The following ASTN1 variants were observed in gnomAD, a reference collection of about 807,000 sequenced individuals.
ASTN1 encodes the protein astrotactin 1.
ASTN1 carries 41 observed loss-of-function variants against 140.7 expected under a neutral mutation model. The observed-to-expected ratio is 0.29, with a 90% CI of 0.23 to 0.38. The LOEUF is 0.38. ASTN1 is among the 10% of genes least tolerant of loss of function. ASTN1 has a pLI of 1.00. For missense variants in ASTN1, 1,479 were observed against 1,678.8 expected (o/e 0.88, Z 2.08); for synonymous variants, 640 against 652.2 (o/e 0.98, Z 0.29).
chr1:176,902,211 G>A (rs1284218864), intron 16 of ASTN1, among the ~76,000 whole-genome samples: 8 of 152,276 alleles, frequency 5.3e-5, no homozygotes, highest in East Asian at 1.9e-4. Flanking sequence ...AAATGCTTAC[G>A]TTCCCTCCAA....
At chr1:176,964,039 CA>C (rs1672771788) in intron 9 of ASTN1, among the ~76,000 whole-genome samples, 2 of 152,176 alleles carry the variant, frequency 1.3e-5, no homozygotes, top group Admixed American at 1.3e-4. Context: ...CCTAATAGAA[CA>C]CTGCTATGGC....
intron 11 of ASTN1, among the ~76,000 whole-genome samples, chr1:176,953,599 T>C (rs962977419): frequency 1.3e-5 from 2 of 152,306 alleles, no homozygotes; most frequent in African/African-American, 4.8e-5. Flanking sequence ...CACACTCTTC[T>C]GCTTACTGTC....
intron 8 of ASTN1, among the ~76,000 whole-genome samples, chr1:176,988,205 G>C (rs1283097996): frequency 1.3e-5 from 2 of 151,462 alleles, no homozygotes; most frequent in Non-Finnish European, 2.9e-5. Flanking sequence ...TAATCATAGA[G>C]ATCTGGGAGA....
intron 1 of ASTN1, among the ~76,000 whole-genome samples, chr1:177,118,299 A>G (rs1474894505): frequency 6.6e-6 from 1 of 152,046 alleles, no homozygotes; most frequent in African/African-American, 2.4e-5. Flanking sequence ...ATCACTTGAG[A>G]CAATTTTCTT....
chr1:177,105,005 CAG>C (rs1381943352), intron 1 of ASTN1, among the ~76,000 whole-genome samples: 6 of 152,110 alleles, frequency 3.9e-5, no homozygotes, highest in African/African-American at 1.4e-4. Flanking sequence ...GCCTGGCTCA[CAG>C]AGTTAATAGA....
intron 1 of ASTN1, among the ~76,000 whole-genome samples, chr1:177,082,589 C>T (rs1679233017): frequency 6.6e-6 from 1 of 152,184 alleles, no homozygotes; most frequent in East Asian, 1.9e-4. Flanking sequence ...AGAATCAGGG[C>T]AGGTCTCAGC....
intron 1 of ASTN1, among the ~76,000 whole-genome samples, chr1:177,128,320 A>G (rs1681770730): frequency 6.6e-6 from 1 of 152,210 alleles, no homozygotes; most frequent in Admixed American, 6.5e-5. Context: ...TACGCCTAGT[A>G]TTAGACTTTT....
rs1381769011 is a variant in ASTN1 at position 176,861,125 on chromosome 1, C to T, written c.*3159G>A. On this transcript the variant is annotated 3_prime_UTR_variant, in exon 23 of 23. Coordinates refer to ENST00000361833, the MANE Select transcript of ASTN1 (RefSeq NM_004319.3). ...AATTATTTCATCTTTTATAATCATA[C>T]AATAATTCTCTTTTAAACAACACTG... is the stretch of plus-strand genomic sequence containing the variant. The T allele has an allele frequency of 2.1e-6, 2 of 946,430 alleles. No homozygotes were observed. The highest frequency in any genetic ancestry group is 1.8e-5 in the African/African-American group (1 of 56,416). The allele number at this position is 946,430 out of a possible 1,614,324, so 58.6% of individuals were successfully genotyped here.
At chr1:177,102,064 T>C (rs997111437) in intron 1 of ASTN1, among the ~76,000 whole-genome samples, 1 of 152,146 alleles carries the variant, frequency 6.6e-6, no homozygotes. Flanking sequence ...CTGAAATGGG[T>C]CCCACTAATT....
At position 176,882,843 on chromosome 1, in the gene ASTN1, G is replaced by A. The variant is rs1557932498; in HGVS notation, c.3362+16C>T. 1 of 1,614,044 alleles carries A rather than the reference G, an allele frequency of 6.2e-7. No homozygotes were observed. The highest frequency in any genetic ancestry group is 8.5e-7 in the Non-Finnish European group (1 of 1,179,954). ...TGTCAGGGTAAGAAGTCACTAGGTA[G>A]GTGTGTGTTACTCACATGTAAATGG... On this transcript the variant is annotated intron_variant, in intron 20 of 22. Transcript: ENST00000361833.
chr1:177,032,412 G>A (rs1676484766), intron 3 of ASTN1, 44 bp downstream of exon 3: 2 of 1,586,926 alleles, frequency 1.3e-6, no homozygotes, highest in Admixed American at 3.4e-5. Context: ...CCAGCTCCTT[G>A]AGATGAAGGA....
chr1:176,930,993 C>T (rs1038063691), intron 16 of ASTN1, among the ~76,000 whole-genome samples: 13 of 151,926 alleles, frequency 8.6e-5, no homozygotes, highest in Non-Finnish European at 1.9e-4. Context: ...CTAGAGGAAG[C>T]AGGGAGGGAT....
chr1:177,115,592 G>A (rs1681045131), intron 1 of ASTN1, among the ~76,000 whole-genome samples: 1 of 151,806 alleles, frequency 6.6e-6, no homozygotes, highest in African/African-American at 2.4e-5. Context: ...AGGAGGTGGA[G>A]GTTGCAGGGA....
chr1:177,129,389 G>A (rs1681831043), intron 1 of ASTN1, among the ~76,000 whole-genome samples: 1 of 152,154 alleles, frequency 6.6e-6, no homozygotes, highest in African/African-American at 2.4e-5. Context: ...GAAATAGGCA[G>A]CTTGTAGGTC....
chr1:177,096,293 T>A (rs1383634197), intron 1 of ASTN1, among the ~76,000 whole-genome samples: 1 of 152,146 alleles, frequency 6.6e-6, no homozygotes, highest in Admixed American at 6.5e-5. Context: ...GAGTTAATAC[T>A]TTGGGGGCTA....
chr1:176,998,509 G>C, intron 8 of ASTN1, among the ~76,000 whole-genome samples: 1 of 151,418 alleles, frequency 6.6e-6, no homozygotes, highest in South Asian at 2.1e-4. Context: ...TTCTTTCCAA[G>C]GGCAAAATCT....
chr1:177,109,503 C>T lies in ASTN1; in HGVS notation c.284-48238G>A, dbSNP rs570336105. Among the ~76,000 whole-genome samples the T allele has an allele frequency of 9.2e-5, 14 of 152,074 alleles. No homozygotes were observed. In the East Asian group the frequency reaches 1.2e-3, roughly 13 times the overall value. Reference sequence around the variant, plus strand: ...TCTCAAGAGACAGACATTCCATTGCCGTATTGGATATAGGGATGTTCTAGG... The same window carrying T: ...TCTCAAGAGACAGACATTCCATTGCTGTATTGGATATAGGGATGTTCTAGG... On this transcript the variant is annotated intron_variant, in intron 1 of 22. Coordinates refer to ENST00000361833, the MANE Select transcript of ASTN1 (RefSeq NM_004319.3).
intron 3 of ASTN1, among the ~76,000 whole-genome samples, chr1:177,031,870 C>T (rs1676460826): frequency 6.6e-6 from 1 of 152,208 alleles, no homozygotes; most frequent in Non-Finnish European, 1.5e-5. Flanking sequence ...TGGATTAGTT[C>T]TTCCAGTCAG....
At chr1:177,123,144 G>C (rs1203599252) in intron 1 of ASTN1, among the ~76,000 whole-genome samples, 2 of 152,144 alleles carry the variant, frequency 1.3e-5, no homozygotes, top group Admixed American at 6.5e-5. Flanking sequence ...CTTCTGCAAG[G>C]CTTCAGCAAG....
Sources: allele counts gnomAD v4.1 joint callset (sites outside exome capture counted in the v4.1 genomes callset), GRCh38; gene constraint gnomAD v4.1.1; transcripts MANE v1.5; gene names NCBI Gene and HGNC (gene_info 2026-07-23, HGNC 2026-07-21).